The following UBE2F variants were observed in gnomAD, a reference collection of about 807,000 sequenced individuals.
UBE2F encodes the protein ubiquitin conjugating enzyme E2 F (putative).
A neutral mutation model predicts 29.6 loss-of-function variants in UBE2F; 5 were observed. The observed-to-expected ratio is 0.17, with a 90% CI of 0.09 to 0.36. UBE2F has a LOEUF of 0.36. Among genes scored for constraint, UBE2F ranks in the 10% least tolerant of loss-of-function variants. UBE2F has a pLI of 1.00. For synonymous variants in UBE2F, 66 were observed against 81.8 expected (o/e 0.81, Z 1.04); for missense variants, 141 against 228.5 (o/e 0.62, Z 2.47).
intron 4 of UBE2F, among the ~76,000 whole-genome samples, chr2:237,998,383 A>AT (rs1213503174): frequency 6.6e-6 from 1 of 151,946 alleles, no homozygotes; most frequent in Non-Finnish European, 1.5e-5. Flanking sequence ...TTGTTCTTGA[A>AT]TTTTTTATAT....
At chr2:238,018,312 C>T (rs370666238) in intron 5 of UBE2F, among the ~76,000 whole-genome samples, 80 of 152,256 alleles carry the variant, frequency 5.3e-4, no homozygotes, top group African/African-American at 1.8e-3. Context: ...TATGACATAC[C>T]GTTCTGGATG....
In UBE2F at chr2:238,042,460, A is replaced by C. The variant is rs2064851889; in HGVS notation, c.*1122A>C. ...AGGCCTTGGAGGACCAGGAGTCAAC[A>C]GTGGCATATGCCATCCTCGGCCAGG... On this transcript the variant is annotated 3_prime_UTR_variant, in exon 10 of 10. Transcript: ENST00000272930. 1 of 152,290 alleles carries C rather than the reference A, an allele frequency of 6.6e-6. No individual in the cohort carries two copies. Among genetic ancestry groups the C allele is most frequent in the Non-Finnish European group, 1.5e-5 (1 of 68,074 alleles). 9.4% of individuals were successfully genotyped at this position (152,290 alleles called of 1,614,324 possible). A position where few individuals can be genotyped will look rare whatever the true frequency, so the allele number is the denominator to read the frequency against.
intron 4 of UBE2F, among the ~76,000 whole-genome samples, chr2:238,013,484 G>A (rs2064086932): frequency 6.7e-6 from 1 of 148,718 alleles, no homozygotes; most frequent in Non-Finnish European, 1.5e-5. Flanking sequence ...GGGGGAGATG[G>A]GAGGTAGGCC....
Position 237,991,609 on chromosome 2 carries a change from C to CTTTCTTTCTTTTTTTT in UBE2F, c.149-3132_149-3131insCTTTCTTTTTTTTTTT, listed in dbSNP as rs57180067. On this transcript the variant is annotated intron_variant, in intron 3 of 9. Transcript: ENST00000272930. ...AACCTTTCTTTTCTTTTCTTTCTTT[C>CTTTCTTTCTTTTTTTT]TTTTTTTTTTTTTGAGACAGTCTTG... Among the ~76,000 whole-genome samples, 7 of 53,048 alleles carry CTTTCTTTCTTTTTTTT rather than the reference C, an allele frequency of 1.3e-4. 1 individual carries two copies. The highest frequency in any genetic ancestry group is 3.5e-4 in the African/African-American group (5 of 14,368). The allele number at this position is 53,048 out of a possible 152,430, so 34.8% of individuals were successfully genotyped here.
chr2:237,987,513 G>A (rs915224960), intron 2 of UBE2F, among the ~76,000 whole-genome samples: 3 of 152,174 alleles, frequency 2.0e-5, no homozygotes, highest in Non-Finnish European at 2.9e-5. Flanking sequence ...GAGGGACTGC[G>A]ATGTCTGAGG....
chr2:238,030,755 C>T, intron 7 of UBE2F, 142 bp downstream of exon 7: 1 of 680,544 alleles, frequency 1.5e-6, no homozygotes, highest in Non-Finnish European at 2.7e-6. Context: ...CCTCTTCTCC[C>T]TGCTGCCTAG....
chr2:237,968,739 A>G (rs2063111888), intron 1 of UBE2F: 1 of 579,664 alleles, frequency 1.7e-6, no homozygotes, highest in Non-Finnish European at 2.2e-6. Context: ...TAACTGGGCC[A>G]ATTACAACTT....
intron 3 of UBE2F, among the ~76,000 whole-genome samples, chr2:237,993,861 C>T (rs989559843): frequency 7.2e-5 from 11 of 152,144 alleles, no homozygotes; most frequent in African/African-American, 2.7e-4. Flanking sequence ...ATCAACTTCC[C>T]TGGCCTGCAC....
intron 4 of UBE2F, among the ~76,000 whole-genome samples, chr2:238,012,924 A>G (rs548887729): frequency 6.6e-6 from 1 of 152,322 alleles, no homozygotes; most frequent in East Asian, 1.9e-4. Context: ...TCTGAACCCA[A>G]GACACTCCAG....
chr2:237,969,298 G>A (rs925978408), intron 1 of UBE2F, among the ~76,000 whole-genome samples: 15 of 151,878 alleles, frequency 9.9e-5, no homozygotes, highest in Admixed American at 8.5e-4. Flanking sequence ...CGTAGCCTGC[G>A]GGCTGTAGTG....
chr2:238,042,106 T>C lies in UBE2F; in HGVS notation c.*768T>C, dbSNP rs2064845277. 2 of 152,322 alleles carry C rather than the reference T, an allele frequency of 1.3e-5. No individual in the cohort carries two copies. The allele number at this position is 152,322 out of a possible 1,614,324, so 9.4% of individuals were successfully genotyped here. On this transcript the variant is annotated 3_prime_UTR_variant, in exon 10 of 10. Transcript: ENST00000272930. ...GAGAATCTCACTCTTAAAAATCAGC[T>C]CTTGCTTTCGGGTCCGGATGTGGTG...
At chr2:238,027,490 G>A (rs1011722583) in intron 6 of UBE2F, among the ~76,000 whole-genome samples, 1 of 152,204 alleles carries the variant, frequency 6.6e-6, no homozygotes, top group African/African-American at 2.4e-5. Context: ...ATACTTGGTG[G>A]CTGGGGGAGG....
rs1429540168 is a variant in UBE2F, at chr2:237,982,423, C to T, written c.119-5540C>T. The stretch of plus-strand genomic sequence containing the variant: ...CCTCTTCCCTTGTCACTAGACTGTC[C>T]TCTTGAACCTTTTGCTTGTGTCATG... On this transcript the variant is annotated intron_variant, in intron 2 of 9. Transcript: ENST00000272930. This position sits in a 1 kb window ranked among gnomAD's most constrained non-coding sequence, Gnocchi z 4.1. 1.3e-5 allele frequency among the ~76,000 whole-genome samples: 2 copies of T among 152,316 alleles called. No homozygotes were observed. The highest frequency in any genetic ancestry group is 1.9e-4 in the East Asian group (1 of 5,172).
At chr2:237,994,485 G>T (rs1180869632) in intron 3 of UBE2F, among the ~76,000 whole-genome samples, 1 of 152,156 alleles carries the variant, frequency 6.6e-6, no homozygotes, top group Admixed American at 6.6e-5. Flanking sequence ...CCACTTAAAG[G>T]TTGAAGGAAA....
chr2:237,995,350 A>G (rs574232649), intron 4 of UBE2F, among the ~76,000 whole-genome samples: 39 of 152,374 alleles, frequency 2.6e-4, no homozygotes, highest in Non-Finnish European at 4.1e-4. Flanking sequence ...CTGCCCCAGC[A>G]TGGCAACATA....
At chr2:238,027,441 G>A (rs1161058512) in intron 6 of UBE2F, among the ~76,000 whole-genome samples, 1 of 152,208 alleles carries the variant, frequency 6.6e-6, no homozygotes, top group East Asian at 1.9e-4. Context: ...ACCATGAAGT[G>A]TGGCTTACCA....
At chr2:237,997,145 T>G (rs1271225329) in intron 4 of UBE2F, among the ~76,000 whole-genome samples, 1 of 152,142 alleles carries the variant, frequency 6.6e-6, no homozygotes, top group Non-Finnish European at 1.5e-5. Flanking sequence ...GAGAATTGCT[T>G]GAACCCAGGG....
At chr2:237,992,853 A>C (rs2063618087) in intron 3 of UBE2F, among the ~76,000 whole-genome samples, 1 of 152,208 alleles carries the variant, frequency 6.6e-6, no homozygotes, top group Non-Finnish European at 1.5e-5. Flanking sequence ...TATCATTGTC[A>C]AACTAAGCAA....
At chr2:238,001,907 T>C (rs2063801833) in intron 4 of UBE2F, among the ~76,000 whole-genome samples, 1 of 152,214 alleles carries the variant, frequency 6.6e-6, no homozygotes, top group African/African-American at 2.4e-5. Flanking sequence ...TTTTAATTTA[T>C]AAAAACTCCC....
Sources: gnomAD v4.1 joint callset for allele counts (sites outside exome capture counted in the v4.1 genomes callset) on GRCh38, gnomAD v4.1.1 for gene constraint, Gnocchi (gnomAD v3.1) non-coding constraint, MANE v1.5 for transcripts, NCBI Gene and HGNC (gene_info 2026-07-23, HGNC 2026-07-21) for gene names.